CACNA1D: variants seen among roughly 807,000 people sequenced by gnomAD.
The protein encoded by CACNA1D is voltage-dependent L-type calcium channel subunit alpha-1D.
CACNA1D carries 55 observed loss-of-function variants against 257.1 expected under a neutral mutation model. That is an observed-to-expected ratio of 0.21 (90% confidence interval 0.17 to 0.27). CACNA1D has a LOEUF of 0.27. Among genes scored for constraint, CACNA1D ranks in the 10% least tolerant of loss-of-function variants. The pLI is 1.00. For synonymous variants in CACNA1D, 980 were observed against 1,014.9 expected (o/e 0.97, Z 0.65); for missense variants, 1,876 against 2,784.0 (o/e 0.67, Z 7.34).
At chr3:53,558,413 C>T (rs1363710930) in intron 3 of CACNA1D, among the ~76,000 whole-genome samples, 1 of 152,104 alleles carries the variant, frequency 6.6e-6, no homozygotes, top group East Asian at 1.9e-4. Context: ...TTTTTGATTA[C>T]TAATTCAATC....
chr3:53,784,250 C>G (rs907177580), intron 39 of CACNA1D, among the ~76,000 whole-genome samples: 1 of 152,184 alleles, frequency 6.6e-6, no homozygotes, highest in African/African-American at 2.4e-5. Context: ...GGTCCTTTCC[C>G]TTCATTTCAG....
chr3:53,715,720 C>T (rs1186778306), intron 9 of CACNA1D, among the ~76,000 whole-genome samples: 5 of 152,226 alleles, frequency 3.3e-5, no homozygotes, highest in Admixed American at 6.5e-5. Flanking sequence ...CACCTGCTCT[C>T]AGCCACTATC....
Position 53,793,575 on chromosome 3 carries a change from A to G in CACNA1D, c.4923+6623A>G, listed in dbSNP as rs2095494662. Among the ~76,000 whole-genome samples the G allele has an allele frequency of 6.6e-6, 1 of 152,142 alleles. No individual in the cohort carries two copies. Among genetic ancestry groups the G allele is most frequent in the African/African-American group, 2.4e-5 (1 of 41,424 alleles). On this transcript the variant is annotated intron_variant, in intron 40 of 47. Transcript: ENST00000350061. This position sits in a 1 kb window ranked among gnomAD's most constrained non-coding sequence, Gnocchi z 4.1. ...TCTCCACGCTCCTCAAATAAGTAAA[A>G]ACTGACAAGTGACCACTTTCTAGAT...
chr3:53,779,594 A>T (rs1352476902), intron 37 of CACNA1D, among the ~76,000 whole-genome samples: 1 of 152,178 alleles, frequency 6.6e-6, no homozygotes, highest in South Asian at 2.1e-4. Flanking sequence ...AGGGGAGCCC[A>T]TGGTGTAAGC....
intron 3 of CACNA1D, among the ~76,000 whole-genome samples, chr3:53,517,048 G>C (rs2091363882): frequency 6.6e-6 from 1 of 152,128 alleles, no homozygotes; most frequent in African/African-American, 2.4e-5. Flanking sequence ...TTCTTCATTG[G>C]TCATAAAGCA....
At chr3:53,656,942 C>G (rs1326131891) in intron 4 of CACNA1D, among the ~76,000 whole-genome samples, 2 of 152,178 alleles carry the variant, frequency 1.3e-5, no homozygotes, top group African/African-American at 2.4e-5. Context: ...CTGGAACTCT[C>G]ATACACCACT....
intron 3 of CACNA1D, among the ~76,000 whole-genome samples, chr3:53,562,603 C>T (rs889458460): frequency 6.6e-6 from 1 of 152,030 alleles, no homozygotes; most frequent in Non-Finnish European, 1.5e-5. Flanking sequence ...ATTTAAAAAG[C>T]TATATGTAAC....
intron 3 of CACNA1D, among the ~76,000 whole-genome samples, chr3:53,626,200 G>A (rs1018716451): frequency 3.3e-5 from 5 of 152,160 alleles, no homozygotes; most frequent in Admixed American, 6.5e-5. Context: ...TGAGTTTGCC[G>A]CCCCGGGCAC....
chr3:53,806,453 A>T (rs1268422346), intron 45 of CACNA1D, among the ~76,000 whole-genome samples: 1 of 152,120 alleles, frequency 6.6e-6, no homozygotes, highest in African/African-American at 2.4e-5. Context: ...GATCTGGGTC[A>T]TCCTGAGCAA....
intron 3 of CACNA1D, among the ~76,000 whole-genome samples, chr3:53,550,425 C>CT (rs1174489804): frequency 6.6e-6 from 1 of 152,236 alleles, no homozygotes; most frequent in Non-Finnish European, 1.5e-5. Context: ...CCTGGAGGCT[C>CT]TGTGAACCTC....
chr3:53,539,854 C>G (rs547203059), intron 3 of CACNA1D, among the ~76,000 whole-genome samples: 1 of 152,236 alleles, frequency 6.6e-6, no homozygotes, highest in African/African-American at 2.4e-5. Flanking sequence ...AGGTTAAACA[C>G]TTCTCCATAT....
At chr3:53,532,171 T>G (rs1043062367) in intron 3 of CACNA1D, among the ~76,000 whole-genome samples, 1 of 152,222 alleles carries the variant, frequency 6.6e-6, no homozygotes, top group African/African-American at 2.4e-5. Context: ...TACAGAAGAC[T>G]AGTCCTGTTA....
intron 3 of CACNA1D, among the ~76,000 whole-genome samples, chr3:53,586,094 C>G (rs1575979382): frequency 6.6e-6 from 1 of 152,152 alleles, no homozygotes; most frequent in African/African-American, 2.4e-5. Context: ...GGCCAGAAAG[C>G]TCACTCCTCT....
intron 3 of CACNA1D, among the ~76,000 whole-genome samples, chr3:53,592,890 T>C (rs1017356638): frequency 1.3e-5 from 2 of 152,184 alleles, no homozygotes; most frequent in Non-Finnish European, 2.9e-5. Context: ...GGTTTTGCCA[T>C]GTTGGCCCGG....
intron 30 of CACNA1D, among the ~76,000 whole-genome samples, chr3:53,768,881 A>G (rs943165521): frequency 2.0e-5 from 3 of 152,182 alleles, no homozygotes; most frequent in African/African-American, 7.2e-5. Flanking sequence ...ACGTGCACAC[A>G]TGTCCCTTAA....
At chr3:53,698,101 T>TACACATACTC (rs1380535323) in intron 8 of CACNA1D, among the ~76,000 whole-genome samples, 3 of 152,236 alleles carry the variant, frequency 2.0e-5, no homozygotes, top group Non-Finnish European at 2.9e-5. Context: ...CATTGATACA[T>TACACATACTC]ACACATACTC....
chr3:53,723,834 C>T lies in CACNA1D; in HGVS notation c.1935C>T (p.Asn645=), dbSNP rs763787690. The T allele has an allele frequency of 3.4e-5, 55 of 1,614,090 alleles. No individual in the cohort carries two copies. Among genetic ancestry groups the T allele is most frequent in the Non-Finnish European group, 4.3e-5 (51 of 1,180,028 alleles). Residue 645 remains asparagine (N), a synonymous_variant, in exon 14 of 48, where the codon AAC becomes AAT. Coordinates refer to ENST00000350061, the MANE Select transcript of CACNA1D (RefSeq NM_001128840.3). The surrounding 1 kb of genome is among the most constrained non-coding windows in gnomAD (Gnocchi z 5.6). ...GCAACTTAGTGGCATCCTTATTAAA[C>T]TCCATGAAGTCCATCGCTTCGCTGT... ...SLSNLVASLL[N]SMKSIASLLL... is the part of the protein sequence containing the mutation.
intron 3 of CACNA1D, among the ~76,000 whole-genome samples, chr3:53,534,813 T>C (rs960028399): frequency 6.6e-6 from 1 of 152,364 alleles, no homozygotes; most frequent in Non-Finnish European, 1.5e-5. Context: ...ATACACATAT[T>C]AGTAAGAGAC....
chr3:53,777,614 C>G (rs575420625), intron 37 of CACNA1D, among the ~76,000 whole-genome samples: 10 of 152,156 alleles, frequency 6.6e-5, no homozygotes, highest in Non-Finnish European at 1.3e-4. Context: ...CATCTCCCAG[C>G]CTCGGCATTG....
Sources: allele counts gnomAD v4.1 joint callset (sites outside exome capture counted in the v4.1 genomes callset), GRCh38; gene constraint gnomAD v4.1.1; non-coding constraint Gnocchi (gnomAD v3.1); transcripts MANE v1.5; gene names NCBI Gene and HGNC (gene_info 2026-07-23, HGNC 2026-07-21).